Variants in MED23 observed in about 807,000 individuals in gnomAD.
MED23 encodes mediator complex subunit 23.
In MED23, 105 loss-of-function variants were observed where a neutral mutation model predicts 163.9. The ratio of observed to expected loss-of-function variants is 0.64; its 90% CI spans 0.55 to 0.75. The LOEUF (loss-of-function observed/expected upper bound fraction) is 0.75, where lower values mean the gene tolerates loss of function less well. Among genes scored for constraint, MED23 ranks in the 30% least tolerant of loss-of-function variants. The probability of loss-of-function intolerance (pLI) is 0.00; values close to 1 mark genes in which losing one functional copy is unlikely to be tolerated. For synonymous variants in MED23, 561 were observed against 565.6 expected, an observed-to-expected ratio of 0.99 and a Z score of 0.12; for missense variants, 1,054 against 1,649.0, an observed-to-expected ratio of 0.64 and a Z score of 6.25.
chr6:131,574,483 TAAATATATAATTTAAA>T (rs1457371686), intron 30 of MED23, among the ~76,000 whole-genome samples: 4 of 152,186 alleles, frequency 2.6e-5, no homozygotes, highest in African/African-American at 9.7e-5. Flanking sequence ...CAGGTTATAA[TAAATATATAATTTAAA>T]AACCTCACAA....
At chr6:131,591,549 A>G (rs142717498) in intron 25 of MED23, 22 bp from the exon 26 acceptor site, 6 of 1,544,402 alleles carry the variant, frequency 3.9e-6, no homozygotes, top group Non-Finnish European at 8.9e-7. Flanking sequence ...GAGGAAAGCT[A>G]GTGAAAAATA....
chr6:131,576,653 A>C, intron 30 of MED23: 1 of 1,612,734 alleles, frequency 6.2e-7, no homozygotes, highest in African/African-American at 1.3e-5. Context: ...TTTATTTTTT[A>C]ATTGTTCAGC....
chr6:131,615,283 G>A lies in MED23; in HGVS notation c.876+624C>T, dbSNP rs769797184. The A allele has an allele frequency of 7.5e-6, 12 of 1,605,674 alleles. No homozygotes were observed. The East Asian group carries it at 8.9e-5, about 12-fold the overall frequency. On this transcript the variant is annotated intron_variant, in intron 10 of 28. Coordinates refer to ENST00000368068, the MANE Select transcript of MED23 (RefSeq NM_004830.4). ...AATCAGTGGCTACAAAGCGGCCAGC[G>A]TATCGTTAGTCACAATACAACAGTA...
chr6:131,596,745 G>C, intron 20 of MED23, 57 bp from the exon 21 acceptor site: 1 of 1,502,594 alleles, frequency 6.7e-7, no homozygotes, highest in Non-Finnish European at 9.2e-7. Flanking sequence ...AAAATCATGA[G>C]GGCCATCTGA....
intron 30 of MED23, among the ~76,000 whole-genome samples, chr6:131,577,830 G>A (rs572168472): frequency 1.2e-4 from 18 of 151,312 alleles, no homozygotes; most frequent in African/African-American, 4.1e-4. Flanking sequence ...GCTTGAACCC[G>A]GAGGCAGAGG....
At chr6:131,580,551 C>T (rs184952013) in intron 30 of MED23, among the ~76,000 whole-genome samples, 2 of 152,104 alleles carry the variant, frequency 1.3e-5, no homozygotes, top group Non-Finnish European at 2.9e-5. Flanking sequence ...CTAATAAATC[C>T]TAACTTTTAA....
chr6:131,580,537 C>T (rs1773866072), intron 30 of MED23, among the ~76,000 whole-genome samples: 1 of 152,096 alleles, frequency 6.6e-6, no homozygotes, highest in Non-Finnish European at 1.5e-5. Flanking sequence ...ACTTTTGCAC[C>T]AACCTAATAA....
chr6:131,587,194 T>C lies in MED23; in HGVS notation c.*485A>G. On this transcript the variant is annotated 3_prime_UTR_variant, in exon 29 of 29. Coordinates refer to ENST00000368068, the MANE Select transcript of MED23 (RefSeq NM_004830.4). ...TGTTTGCTCCTACAATGCAACAAAA[T>C]CTAGATTCCTTTTCTTGATATAAAT... 1 of 1,115,366 alleles carries C rather than the reference T, an allele frequency of 9.0e-7. No individual in the cohort carries two copies. Among genetic ancestry groups the C allele is most frequent in the Admixed American group, 4.3e-5 (1 of 23,388 alleles). The allele number at this position is 1,115,366 out of a possible 1,614,324, so 69.1% of individuals were successfully genotyped here.
intron 22 of MED23, among the ~76,000 whole-genome samples, chr6:131,595,108 C>T (rs1376875393): frequency 6.6e-6 from 1 of 152,216 alleles, no homozygotes; most frequent in Non-Finnish European, 1.5e-5. Flanking sequence ...GACTGCCTGC[C>T]AGACAAACAC....
At chr6:131,609,702 T>A (rs932090008) in intron 11 of MED23, among the ~76,000 whole-genome samples, 1 of 147,382 alleles carries the variant, frequency 6.8e-6, no homozygotes, top group Non-Finnish European at 1.5e-5. Context: ...TACATACATA[T>A]ATATATGTAC....
At position 131,574,115 on chromosome 6, in the gene MED23, G is replaced by A. The variant is rs537670623; in HGVS notation, c.*178C>T. 66 of 756,838 alleles carry A rather than the reference G, an allele frequency of 8.7e-5. 1 individual carries two copies. Among genetic ancestry groups the A allele is most frequent in the South Asian group, 6.0e-4 (40 of 66,280 alleles). The allele number at this position is 756,838 out of a possible 1,614,324, so 46.9% of individuals were successfully genotyped here. A position where few individuals can be genotyped will look rare whatever the true frequency, so the allele number is the denominator to read the frequency against. On this transcript the variant is annotated 3_prime_UTR_variant, in exon 31 of 31. Transcript: ENST00000354577. ...TTCTAGTAAAGAGAGTGTGATGACA[G>A]AACACCTTAGACTTCAACACGCATC... is the stretch of plus-strand genomic sequence containing the variant.
At chr6:131,584,315 C>T, downstream of MED23, 1 of 196,852 alleles carries the variant, frequency 5.1e-6, no homozygotes, top group South Asian at 9.5e-5. Context: ...TTATAATAAA[C>T]TCTTTATAAC....
chr6:131,583,847 G>C, downstream of MED23: 2 of 1,614,118 alleles, frequency 1.2e-6, no homozygotes, highest in Non-Finnish European at 1.7e-6. Context: ...ACCTTGGCTT[G>C]TTTCGGACTT....
chr6:131,589,034 A>C (rs1157351174), intron 28 of MED23, among the ~76,000 whole-genome samples: 1 of 152,046 alleles, frequency 6.6e-6, no homozygotes, highest in Non-Finnish European at 1.5e-5. Flanking sequence ...TCTAGTCAGG[A>C]TTAGTCTAGA....
intron 14 of MED23, 103 bp downstream of exon 14, chr6:131,605,137 A>T: frequency 8.0e-7 from 1 of 1,255,826 alleles, no homozygotes; most frequent in Admixed American, 1.9e-5. Context: ...TCTCAAATGT[A>T]CCTGACTATG....
intron 30 of MED23, chr6:131,581,223 G>T: frequency 1.9e-6 from 3 of 1,613,810 alleles, no homozygotes; most frequent in Non-Finnish European, 2.5e-6. Flanking sequence ...CAAAAGTTTG[G>T]CAATTGGAAG....
chr6:131,615,744 T>A, intron 10 of MED23, 163 bp downstream of exon 10: 1 of 671,454 alleles, frequency 1.5e-6, no homozygotes, highest in Non-Finnish European at 2.6e-6. Context: ...TAAAGCAATA[T>A]ATAAATGATA....
At position 131,604,391 on chromosome 6, in the gene MED23, G is replaced by A. The variant is rs910306739; in HGVS notation, c.1614-71C>T. The stretch of plus-strand genomic sequence containing the variant: ...ATAAACATAGGGGCTACTCTACTTA[G>A]AAGTAACTTAGTATAAATCTGAACT... On this transcript the variant is annotated intron_variant, in intron 14 of 28. Transcript: ENST00000368068. 1.8e-5 allele frequency: 26 copies of A among 1,468,644 alleles called. 1 individual carries two copies. The Admixed American group carries it at 4.7e-4, about 27-fold the overall frequency. 91.0% of individuals were successfully genotyped at this position (1,468,644 alleles called of 1,614,324 possible). A position where few individuals can be genotyped will look rare whatever the true frequency, so the allele number is the denominator to read the frequency against.
intron 30 of MED23, chr6:131,581,460 A>G: frequency 7.1e-7 from 1 of 1,405,162 alleles, no homozygotes; most frequent in South Asian, 1.2e-5. Flanking sequence ...GAGAAACTCC[A>G]TGTTATCTTA....
Sources: gnomAD v4.1 joint callset for allele counts (sites outside exome capture counted in the v4.1 genomes callset) on GRCh38, gnomAD v4.1.1 for gene constraint, MANE v1.5 for transcripts, NCBI Gene and HGNC (gene_info 2026-07-23, HGNC 2026-07-21) for gene names.